LMNA: variants seen among roughly 807,000 people sequenced by gnomAD.
LMNA encodes lamin A/C.
LMNA carries 20 observed loss-of-function variants against 70.4 expected under a neutral mutation model. The ratio of observed to expected loss-of-function variants is 0.28; its 90% CI spans 0.20 to 0.41. The LOEUF (loss-of-function observed/expected upper bound fraction) is 0.41, where lower values mean the gene tolerates loss of function less well. Ranked by LOEUF, LMNA falls within the 10% of genes least tolerant of loss-of-function variation. The pLI, the probability that LMNA is intolerant of heterozygous loss-of-function variation, is 1.00. For missense variants in LMNA, 652 were observed against 917.2 expected (o/e 0.71, Z 3.73); for synonymous variants, 339 against 372.8 (o/e 0.91, Z 1.04).
Position 156,095,653 on chromosome 1 carries a change from G to A in LMNA, c.-207+5071G>A, listed in dbSNP as rs186212550. Among the ~76,000 whole-genome samples the A allele has an allele frequency of 1.7e-3, 259 of 152,186 alleles. 1 individual carries two copies. Among genetic ancestry groups the A allele is most frequent in the Middle Eastern group, 6.8e-3 (2 of 294 alleles). On this transcript the variant is annotated intron_variant, in intron 3 of 12. Transcript: ENST00000368301. ...ATTACAGGCGTGAGCCACTGCGCCC[G>A]GTGTCCAAGACACTTCTAACGCCAA... is the stretch of plus-strand genomic sequence containing the variant.
Position 156,139,471 on chromosome 1 carries a change from C to A in LMNA, c.*365C>A. ...AGAGGCTAGCTTCTGCTTTTCTGCC[C>A]TGGCTGCTGCCCCCACCCCGGGGAC... On this transcript the variant is annotated 3_prime_UTR_variant, in exon 12 of 12. Coordinates refer to ENST00000368300, the MANE Select transcript of LMNA (RefSeq NM_170707.4). The A allele has an allele frequency of 7.5e-7, 1 of 1,334,870 alleles. No homozygotes were observed. Among genetic ancestry groups the A allele is most frequent in the Non-Finnish European group, 9.6e-7 (1 of 1,044,876 alleles). The allele number at this position is 1,334,870 out of a possible 1,614,324, so 82.7% of individuals were successfully genotyped here.
intron 2 of LMNA, chr1:156,083,708 C>T (rs1292585071): frequency 6.6e-6 from 1 of 152,166 alleles, no homozygotes; most frequent in African/African-American, 2.4e-5. Context: ...GAGGCTGAGA[C>T]AGGAGAATTG....
At position 156,135,990 on chromosome 1, in the gene LMNA, G is replaced by A. The variant is rs1196328249; in HGVS notation, c.1026G>A (p.Glu342=). The A allele has an allele frequency of 1.2e-6, 2 of 1,614,162 alleles. No individual in the cohort carries two copies. Among genetic ancestry groups the A allele is most frequent in the Non-Finnish European group, 8.5e-7 (1 of 1,180,046 alleles). The change falls in exon 6 of 12, where the codon GAG becomes GAA. Residue 342 remains glutamate (E), a synonymous_variant. Coordinates refer to ENST00000368300, the MANE Select transcript of LMNA (RefSeq NM_170707.4). The surrounding 1 kb of genome is among the most constrained non-coding windows in gnomAD (Gnocchi z 4.8). ...DTSRRLLAEK[E]REMAEMRARM... ...GCCGGCGGCTGCTGGCGGAAAAGGA[G>A]CGGGAGATGGCCGAGATGCGGGCAA...
chr1:156,116,829 GC>G (rs1649859089), intron 1 of LMNA, among the ~76,000 whole-genome samples: 1 of 152,164 alleles, frequency 6.6e-6, no homozygotes, highest in Non-Finnish European at 1.5e-5. Context: ...CTCCCAAAGT[GC>G]TAGGATTACA....
At position 156,139,360 on chromosome 1, in the gene LMNA, CT is replaced by C. The variant is rs1244202125; in HGVS notation, c.*258del. On this transcript the variant is annotated 3_prime_UTR_variant, in exon 12 of 12. Coordinates refer to ENST00000368300, the MANE Select transcript of LMNA (RefSeq NM_170707.4). ...CTCAATCCTAATTTCTCCTCCCTTC[CT>C]TTTCCCTGCTTCCAGGAAACTCCAC... 3.6e-6 allele frequency: 5 copies of C among 1,393,952 alleles called. No individual in the cohort carries two copies. The African/African-American group carries it at 4.4e-5, about 12-fold the overall frequency. 86.3% of individuals were successfully genotyped at this position (1,393,952 alleles called of 1,614,324 possible).
At chr1:156,092,749 C>G (rs1648755113) in intron 3 of LMNA, among the ~76,000 whole-genome samples, 1 of 151,900 alleles carries the variant, frequency 6.6e-6, no homozygotes, top group Non-Finnish European at 1.5e-5. Context: ...CCGTTGCCAT[C>G]AGATTCACAC....
intron 2 of LMNA, among the ~76,000 whole-genome samples, chr1:156,088,150 G>A (rs1374887027): frequency 1.3e-5 from 2 of 152,050 alleles, no homozygotes; most frequent in East Asian, 3.9e-4. Flanking sequence ...GATTACAGGT[G>A]TGAGCCACCA....
At position 156,135,894 on chromosome 1, in the gene LMNA, C is replaced by G. The variant is rs267607681; in HGVS notation, c.937-7C>G. The G allele has an allele frequency of 2.8e-5, 45 of 1,612,960 alleles. No homozygotes were observed. The highest frequency in any genetic ancestry group is 1.6e-4 in the Middle Eastern group (1 of 6,076). ...GGAGCTCACCAAACCCTCCCACCCC[C>G]CTTCAGCTGGCAGCCAAGGAGGCGA... On this transcript the variant is annotated splice_polypyrimidine_tract_variant and splice_region_variant and intron_variant, in intron 5 of 11. Coordinates refer to ENST00000368300, the MANE Select transcript of LMNA (RefSeq NM_170707.4). The surrounding 1 kb of genome is among the most constrained non-coding windows in gnomAD (Gnocchi z 4.8).
At chr1:156,133,458 C>T (rs573356718) in intron 2 of LMNA, among the ~76,000 whole-genome samples, 1 of 152,074 alleles carries the variant, frequency 6.6e-6, no homozygotes, top group African/African-American at 2.4e-5. Flanking sequence ...GTAGTCCCAG[C>T]TACTCGGGAG....
chr1:156,135,282 C>T lies in LMNA; in HGVS notation c.906C>T (p.Leu302=). Residue 302 remains leucine, a synonymous_variant, in exon 5 of 12, where the codon CTC becomes CTT. Transcript: ENST00000368300. This position sits in a 1 kb window ranked among gnomAD's most constrained non-coding sequence, Gnocchi z 4.8. ...AGTCGCGCATCCGCATCGACAGCCT[C>T]TCTGCCCAGCTCAGCCAGCTCCAGA... ...LQQSRIRIDS[L]SAQLSQLQKQ... 2.5e-6 allele frequency: 4 copies of T among 1,613,674 alleles called. No homozygotes were observed. Among genetic ancestry groups the T allele is most frequent in the African/African-American group, 1.3e-5 (1 of 75,068 alleles).
rs1657847980 is a variant in LMNA, at chr1:156,135,760, T to G, written c.937-141T>G. The G allele has an allele frequency of 8.5e-6, 6 of 705,056 alleles. No homozygotes were observed. The South Asian group carries it at 9.8e-5, about 12-fold the overall frequency. 43.7% of individuals were successfully genotyped at this position (705,056 alleles called of 1,614,324 possible). A position where few individuals can be genotyped will look rare whatever the true frequency, so the allele number is the denominator to read the frequency against. ...GTTTAGAGCTTGTGATGTTCAGAGC[T>G]GGCTCTGATGAGGGCTCTGGGGAAG... On this transcript the variant is annotated intron_variant, in intron 5 of 11. Coordinates refer to ENST00000368300, the MANE Select transcript of LMNA (RefSeq NM_170707.4). This position sits in a 1 kb window ranked among gnomAD's most constrained non-coding sequence, Gnocchi z 4.8.
intron 1 of LMNA, among the ~76,000 whole-genome samples, chr1:156,118,076 G>A (rs1373357543): frequency 6.7e-6 from 1 of 149,660 alleles, no homozygotes; most frequent in African/African-American, 2.5e-5. Flanking sequence ...CTCCTGCCTC[G>A]GCCTCCGGAA....
intron 2 of LMNA, among the ~76,000 whole-genome samples, chr1:156,131,710 T>C (rs1048499872): frequency 6.6e-6 from 1 of 152,228 alleles, no homozygotes; most frequent in African/African-American, 2.4e-5. Flanking sequence ...GGGCCTCCTA[T>C]AGGCCCTTGT....
intron 1 of LMNA, among the ~76,000 whole-genome samples, chr1:156,117,396 G>C (rs541414746): frequency 3.4e-5 from 5 of 147,658 alleles, no homozygotes; most frequent in Admixed American, 6.8e-5. Flanking sequence ...CACCACGCCC[G>C]GCTACTTTTT....
chr1:156,138,867 CG>C lies in LMNA; in HGVS notation c.1968+115del. 4 of 1,464,912 alleles carry C rather than the reference CG, an allele frequency of 2.7e-6. No homozygotes were observed. Among genetic ancestry groups the C allele is most frequent in the Non-Finnish European group, 3.8e-6 (4 of 1,058,330 alleles). The allele number at this position is 1,464,912 out of a possible 1,614,324, so 90.7% of individuals were successfully genotyped here. A position where few individuals can be genotyped will look rare whatever the true frequency, so the allele number is the denominator to read the frequency against. ...AGAGCCTGCCTTCTCTTCCGCAGCC[CG>C]GGGGAGTGGGAGCCTCCTCCCCACA... On this transcript the variant is annotated intron_variant, in intron 11 of 11. Transcript: ENST00000368300. This position sits in a 1 kb window ranked among gnomAD's most constrained non-coding sequence, Gnocchi z 5.5.
chr1:156,138,507 C>T lies in LMNA; in HGVS notation c.1718C>T (p.Ser573Leu), dbSNP rs60890628. The change falls in exon 11 of 12, where the codon TCG (serine) becomes TTG (leucine). Residue 573 changes from serine (S) to leucine (L), a missense_variant. Transcript: ENST00000368300. This position sits in a 1 kb window ranked among gnomAD's most constrained non-coding sequence, Gnocchi z 5.5. Reference sequence around the variant, plus strand: ...TCCCAGGGCTCCCACTGCAGCAGCTCGGGGGACCCCGCTGAGTACAACCTG... The same window carrying T: ...TCCCAGGGCTCCCACTGCAGCAGCTTGGGGGACCCCGCTGAGTACAACCTG... ...HHHHGSHCSS[S>L]GDPAEYNLRS... The T allele has an allele frequency of 6.9e-5, 112 of 1,612,344 alleles. 1 individual carries two copies. Among genetic ancestry groups the T allele is most frequent in the Middle Eastern group, 3.3e-4 (2 of 6,040 alleles).
intron 1 of LMNA, chr1:156,129,957 G>A (rs767467521): frequency 6.8e-6 from 5 of 730,178 alleles, no homozygotes. Flanking sequence ...GAGGGAGGGA[G>A]GCAGGGACCC....
chr1:156,099,228 T>C (rs951404424), intron 3 of LMNA, among the ~76,000 whole-genome samples: 1 of 152,124 alleles, frequency 6.6e-6, no homozygotes, highest in Non-Finnish European at 1.5e-5. Context: ...TAGGCCTGGA[T>C]TGTGGCTTTT....
At chr1:156,122,290 AAAAG>A in intron 1 of LMNA, among the ~76,000 whole-genome samples, 1 of 152,262 alleles carries the variant, frequency 6.6e-6, no homozygotes, top group Middle Eastern at 3.4e-3. Context: ...CCTTAGCTGT[AAAAG>A]AAAGGGATTG....
Sources: gnomAD v4.1 joint callset for allele counts (sites outside exome capture counted in the v4.1 genomes callset) on GRCh38, gnomAD v4.1.1 for gene constraint, Gnocchi (gnomAD v3.1) non-coding constraint, MANE v1.5 for transcripts, NCBI Gene and HGNC (gene_info 2026-07-23, HGNC 2026-07-21) for gene names.